Variants in DCBLD2 observed in about 807,000 individuals in gnomAD.
The protein encoded by DCBLD2 is discoidin, CUB and LCCL domain-containing protein 2.
Under a neutral mutation model 86.8 loss-of-function variants are expected in DCBLD2, and 54 were observed. The ratio of observed to expected loss-of-function variants is 0.62; its 90% CI spans 0.50 to 0.78. The LOEUF is 0.78. DCBLD2 is among the 30% of genes least tolerant of loss of function. DCBLD2 has a pLI of 0.00. For synonymous variants in DCBLD2, 354 were observed against 341.3 expected (o/e 1.04, Z -0.41); for missense variants, 908 against 954.2 (o/e 0.95, Z 0.64).
At chr3:98,820,348 A>G (rs1942097037) in intron 6 of DCBLD2, 60 bp from the exon 7 acceptor site, 3 of 1,257,330 alleles carry the variant, frequency 2.4e-6, no homozygotes, top group Admixed American at 2.9e-5. Context: ...CCCCATATTT[A>G]GTGAAACATT....
intron 2 of DCBLD2, among the ~76,000 whole-genome samples, chr3:98,872,383 C>T (rs538479738): frequency 6.6e-6 from 1 of 152,304 alleles, no homozygotes; most frequent in African/African-American, 2.4e-5. Context: ...TCTCTCTCTG[C>T]ACAAGCCCCT....
rs753064561 is a variant in DCBLD2, at chr3:98,808,113, G to A, written c.1638C>T (p.Leu546=). The A allele has an allele frequency of 2.5e-6, 4 of 1,606,542 alleles. No individual in the cohort carries two copies. Among genetic ancestry groups the A allele is most frequent in the South Asian group, 1.1e-5 (1 of 89,460 alleles). The part of the protein sequence containing the change: ...VLVMVLTTLI[L]ILVCAWHWRN... ...TCCAGTGCCAAGCACACACTAATAT[G>A]AGAATGAGAGTAGTGAGGACCATGA... The change falls in exon 13 of 16, where the codon CTC becomes CTT. Residue 546 remains leucine (L), a synonymous_variant. Transcript: ENST00000326840.
chr3:98,869,577 C>A (rs1943221333), intron 2 of DCBLD2, among the ~76,000 whole-genome samples: 2 of 152,138 alleles, frequency 1.3e-5, no homozygotes, highest in Non-Finnish European at 2.9e-5. Context: ...TACATTTGAC[C>A]CTTTTCCTGT....
chr3:98,869,228 T>C (rs1175825026), intron 2 of DCBLD2, among the ~76,000 whole-genome samples: 1 of 152,208 alleles, frequency 6.6e-6, no homozygotes, highest in Non-Finnish European at 1.5e-5. Flanking sequence ...TTTTCATATG[T>C]TTGTTAGTCT....
chr3:98,811,634 A>G, intron 10 of DCBLD2, 80 bp from the exon 11 acceptor site: 3 of 1,260,192 alleles, frequency 2.4e-6, no homozygotes, highest in Non-Finnish European at 2.2e-6. Context: ...AATGTCTTCA[A>G]TATTTCCTAA....
chr3:98,882,595 CA>C (rs1943491025), intron 1 of DCBLD2, among the ~76,000 whole-genome samples: 1 of 152,152 alleles, frequency 6.6e-6, no homozygotes, highest in African/African-American at 2.4e-5. Context: ...TGACAGGCCC[CA>C]GTGTGTGATA....
At chr3:98,881,442 G>T in intron 2 of DCBLD2, 98 bp downstream of exon 2, 2 of 1,078,396 alleles carry the variant, frequency 1.9e-6, no homozygotes, top group African/African-American at 1.6e-5. Context: ...TTCCCACATA[G>T]CACCTTACAC....
At chr3:98,844,872 AC>A (rs1942691236) in intron 3 of DCBLD2, among the ~76,000 whole-genome samples, 1 of 152,182 alleles carries the variant, frequency 6.6e-6, no homozygotes, top group Non-Finnish European at 1.5e-5. Context: ...GTAGATGAAA[AC>A]TGATTAACAG....
chr3:98,820,539 A>C (rs1312187978), intron 6 of DCBLD2, among the ~76,000 whole-genome samples: 2 of 152,222 alleles, frequency 1.3e-5, no homozygotes, highest in Non-Finnish European at 2.9e-5. Context: ...GTGATTGTGC[A>C]AAAGTTCTCT....
intron 3 of DCBLD2, among the ~76,000 whole-genome samples, chr3:98,843,410 C>T (rs1942656039): frequency 6.6e-6 from 1 of 152,068 alleles, no homozygotes; most frequent in Admixed American, 6.5e-5. Context: ...GGAAACAAAA[C>T]AGATTCTATA....
chr3:98,901,153 G>GC lies in DCBLD2; in HGVS notation c.173_174insG (p.Leu59ProfsTer12), dbSNP rs1559805299. On this transcript the variant is annotated frameshift_variant, in exon 1 of 16. Transcript: ENST00000326840. LOFTEE classifies it high-confidence loss of function. Reference sequence around the variant, plus strand: ...GGGCTCCAGCGTCCTCGAGCAGCAGGAGCAGGACAAGTAAGAGCAGGAGGA... The same window carrying GC: ...GGGCTCCAGCGTCCTCGAGCAGCAGGCAGCAGGACAAGTAAGAGCAGGAGGA... 297 of 1,538,828 alleles carry GC rather than the reference G, an allele frequency of 1.9e-4. No individual in the cohort carries two copies. Among genetic ancestry groups the GC allele is most frequent in the Non-Finnish European group, 2.5e-4 (290 of 1,146,794 alleles).
intron 13 of DCBLD2, among the ~76,000 whole-genome samples, chr3:98,803,679 G>T (rs538108709): frequency 1.5e-4 from 23 of 152,222 alleles, no homozygotes; most frequent in African/African-American, 4.8e-4. Context: ...TTGGCTGTGG[G>T]TTTGTCATAC....
intron 15 of DCBLD2, among the ~76,000 whole-genome samples, chr3:98,800,290 G>A (rs1028382101): frequency 6.6e-6 from 1 of 152,110 alleles, no homozygotes; most frequent in African/African-American, 2.4e-5. Context: ...GGCTTCTTCT[G>A]TCTTTCCCGC....
Position 98,901,469 on chromosome 3 carries a change from C to T in DCBLD2, c.-143G>A. ...GCCTCACCCCGCGCCGGGACCCTTC[C>T]GCCCCTCACCCCGCTTTCACCTACT... On this transcript the variant is annotated 5_prime_UTR_variant, in exon 1 of 16. Transcript: ENST00000326840. 1.8e-5 allele frequency: 14 copies of T among 772,070 alleles called. No homozygotes were observed. Among genetic ancestry groups the T allele is most frequent in the Non-Finnish European group, 2.5e-5 (14 of 570,462 alleles). 47.8% of individuals were successfully genotyped at this position (772,070 alleles called of 1,614,324 possible). A position where few individuals can be genotyped will look rare whatever the true frequency, so the allele number is the denominator to read the frequency against.
Position 98,822,659 on chromosome 3 carries a change from T to A in DCBLD2, c.696+10A>T. On this transcript the variant is annotated intron_variant, in intron 5 of 15. Coordinates refer to ENST00000326840, the MANE Select transcript of DCBLD2 (RefSeq NM_080927.4). The stretch of plus-strand genomic sequence containing the variant: ...ATCACAATTTTCAAATAAGTTTATA[T>A]CTGGCTTACATCTCTATATCCATGA... The A allele has an allele frequency of 1.3e-6, 2 of 1,564,890 alleles. No homozygotes were observed. Among genetic ancestry groups the A allele is most frequent in the Non-Finnish European group, 1.7e-6 (2 of 1,156,604 alleles).
At chr3:98,898,389 T>A (rs1021485860) in intron 1 of DCBLD2, among the ~76,000 whole-genome samples, 2 of 150,570 alleles carry the variant, frequency 1.3e-5, no homozygotes, top group African/African-American at 4.9e-5. Flanking sequence ...TTTCTACCTC[T>A]CCATACTAGA....
chr3:98,869,846 T>C (rs1323569834), intron 2 of DCBLD2, among the ~76,000 whole-genome samples: 1 of 152,246 alleles, frequency 6.6e-6, no homozygotes, highest in African/African-American at 2.4e-5. Flanking sequence ...GTAGGAATGC[T>C]GTTTTCTAAG....
rs565677975 is a variant in DCBLD2 at position 98,891,654 on chromosome 3, T to C, written c.205+9468A>G. Among the ~76,000 whole-genome samples the C allele has an allele frequency of 3.7e-4, 57 of 152,248 alleles. 1 individual carries two copies. The highest frequency in any genetic ancestry group is 3.4e-3 in the Middle Eastern group (1 of 294). On this transcript the variant is annotated intron_variant, in intron 1 of 15. Coordinates refer to ENST00000326840, the MANE Select transcript of DCBLD2 (RefSeq NM_080927.4). ...AAGGCTATCATAATCTGGCCCCTGA[T>C]TCCCTTTCTGGTCTCATCTCTTCAC...
rs999269580 is a variant in DCBLD2 at position 98,803,977 on chromosome 3, T to G, written c.1671-2328A>C. Among the ~76,000 whole-genome samples the G allele has an allele frequency of 3.7e-4, 57 of 152,222 alleles. 1 individual carries two copies. The highest frequency in any genetic ancestry group is 6.8e-3 in the Middle Eastern group (2 of 294). ...TTTTACTGAGGATTTTTGCATCGATTTTCATCAGGGATATTGGTCTAAAAT... is the reference window on the plus strand; with the variant it reads ...TTTTACTGAGGATTTTTGCATCGATGTTCATCAGGGATATTGGTCTAAAAT... On this transcript the variant is annotated intron_variant, in intron 13 of 15. Transcript: ENST00000326840.
Sources: allele counts gnomAD v4.1 joint callset (sites outside exome capture counted in the v4.1 genomes callset), GRCh38; gene constraint gnomAD v4.1.1; transcripts MANE v1.5; gene names NCBI Gene and HGNC (gene_info 2026-07-23, HGNC 2026-07-21).